Variants in PCDH7 observed in about 807,000 individuals in gnomAD.
PCDH7 encodes protocadherin 7.
A neutral mutation model predicts 58.9 loss-of-function variants in PCDH7; 17 were observed. The ratio of observed to expected loss-of-function variants is 0.29; its 90% CI spans 0.20 to 0.43. PCDH7 has a LOEUF of 0.43. Among genes scored for constraint, PCDH7 ranks in the 20% least tolerant of loss-of-function variants. The probability of loss-of-function intolerance (pLI) is 1.00; values close to 1 mark genes in which losing one functional copy is unlikely to be tolerated. For synonymous variants in PCDH7, 664 were observed against 616.4 expected (o/e 1.08, Z -1.14); for missense variants, 1,274 against 1,441.0 (o/e 0.88, Z 1.88).
In PCDH7 at chr4:31,049,430, C is replaced by G. The variant is rs188934851; in HGVS notation, c.*8-93043C>G. Reference sequence around the variant, plus strand: ...TTAGGAGAAACCAGGCATGGATATGCAAGAGTGACACAGACAATGTGGGGC... The same window carrying G: ...TTAGGAGAAACCAGGCATGGATATGGAAGAGTGACACAGACAATGTGGGGC... On this transcript the variant is annotated intron_variant, in intron 3 of 3. Transcript: ENST00000509759. Among the ~76,000 whole-genome samples, 351 of 152,166 alleles carry G rather than the reference C, an allele frequency of 2.3e-3. 6 individuals carry two copies. Among genetic ancestry groups the G allele is most frequent in the Admixed American group, 0.022 (334 of 15,268 alleles).
At chr4:30,855,912 AT>A (rs994739297) in intron 1 of PCDH7, among the ~76,000 whole-genome samples, 2 of 152,140 alleles carry the variant, frequency 1.3e-5, no homozygotes, top group African/African-American at 2.4e-5. Flanking sequence ...CATCAGTAAA[AT>A]GTCGGATCTG....
chr4:30,999,497 G>A (rs889185897), intron 3 of PCDH7, among the ~76,000 whole-genome samples: 6 of 151,972 alleles, frequency 3.9e-5, no homozygotes, highest in East Asian at 3.9e-4. Flanking sequence ...CCAAATTGTC[G>A]CCTGAAAATT....
intron 1 of PCDH7, among the ~76,000 whole-genome samples, chr4:30,819,019 C>T (rs1279177861): frequency 6.6e-6 from 1 of 152,284 alleles, no homozygotes; most frequent in African/African-American, 2.4e-5. Flanking sequence ...TTTCACAGTG[C>T]ATCATTCCTG....
intron 3 of PCDH7, among the ~76,000 whole-genome samples, chr4:31,042,193 A>T (rs901217648): frequency 6.6e-6 from 1 of 152,164 alleles, no homozygotes; most frequent in Non-Finnish European, 1.5e-5. Context: ...CATATGTTTG[A>T]TTGATTGTCA....
chr4:30,974,476 C>T lies in PCDH7; in HGVS notation c.*7+24261C>T, dbSNP rs540514068. ...AACTAAATTGGATAATAGAGACTTT[C>T]TTCCACCACACAAGCCTCTCATTTT... On this transcript the variant is annotated intron_variant, in intron 3 of 3. Coordinates refer to the PCDH7 transcript ENST00000509759. Among the ~76,000 whole-genome samples, 107 of 152,120 alleles carry T rather than the reference C, an allele frequency of 7.0e-4. 4 individuals carry two copies. The South Asian group carries it at 0.021, about 29-fold the overall frequency.
intron 3 of PCDH7, among the ~76,000 whole-genome samples, chr4:30,984,910 T>A (rs1170814157): frequency 6.6e-6 from 1 of 152,138 alleles, no homozygotes; most frequent in African/African-American, 2.4e-5. Context: ...GCTAGATTAG[T>A]AATACCATTA....
At chr4:30,775,724 C>T (rs573142478) in intron 1 of PCDH7, among the ~76,000 whole-genome samples, 1 of 152,076 alleles carries the variant, frequency 6.6e-6, no homozygotes, top group East Asian at 1.9e-4. Flanking sequence ...TGGTGAAACC[C>T]CATCTCTACT....
intron 3 of PCDH7, among the ~76,000 whole-genome samples, chr4:31,124,562 T>C (rs1454853200): frequency 6.6e-6 from 1 of 152,222 alleles, no homozygotes; most frequent in Non-Finnish European, 1.5e-5. Context: ...CTCTACTACC[T>C]TCTTACCTCA....
intron 1 of PCDH7, among the ~76,000 whole-genome samples, chr4:30,822,058 A>C (rs570034069): frequency 1.3e-5 from 2 of 152,208 alleles, no homozygotes; most frequent in Admixed American, 6.5e-5. Flanking sequence ...GGTATCTCAG[A>C]TATTGGGTGA....
At chr4:30,798,543 T>A (rs900312453) in intron 1 of PCDH7, among the ~76,000 whole-genome samples, 2 of 152,218 alleles carry the variant, frequency 1.3e-5, no homozygotes, top group African/African-American at 4.8e-5. Flanking sequence ...TATTAATGCA[T>A]GGTTTCAAAA....
chr4:31,115,477 C>T (rs67552245), intron 3 of PCDH7, among the ~76,000 whole-genome samples: 7,256 of 151,698 alleles, frequency 0.048, 331 homozygotes, highest in African/African-American at 0.12. Flanking sequence ...CTTTATTTTC[C>T]GCTCATTCTT....
Position 30,721,558 on chromosome 4 carries a change from G to A in PCDH7, c.136G>A (p.Val46Ile), listed in dbSNP as rs755128587. Residue 46 changes from valine to isoleucine, a missense_variant, in exon 1 of 2, where the codon GTC (valine) becomes ATC (isoleucine). Physicochemically the swap from Val to Ile is conservative, Grantham distance 29. Transcript: ENST00000361762. This position sits in a 1 kb window ranked among gnomAD's most constrained non-coding sequence, Gnocchi z 6.7. ...GCTGGCCGAGGAGGGCCCCGCCGAC[G>A]TCCGCATCGGCAACGTGGCTTCAGA... 6.2e-7 allele frequency: 1 copy of A among 1,604,934 alleles called. No homozygotes were observed. Among genetic ancestry groups the A allele is most frequent in the Non-Finnish European group, 8.5e-7 (1 of 1,179,842 alleles).
chr4:30,931,757 A>T (rs1380455400), intron 2 of PCDH7, among the ~76,000 whole-genome samples: 1 of 151,558 alleles, frequency 6.6e-6, no homozygotes, highest in Non-Finnish European at 1.5e-5. Flanking sequence ...AGGCCGGGGC[A>T]TAGTGGCATC....
chr4:30,922,264 A>C (rs1016599946), intron 2 of PCDH7, among the ~76,000 whole-genome samples: 9 of 150,818 alleles, frequency 6.0e-5, no homozygotes, highest in Non-Finnish European at 1.3e-4. Context: ...AATTTAATTT[A>C]GGGGTATTAC....
intron 1 of PCDH7, among the ~76,000 whole-genome samples, chr4:30,791,707 T>C (rs1369218697): frequency 6.6e-6 from 1 of 152,326 alleles, no homozygotes; most frequent in East Asian, 1.9e-4. Context: ...TCAAATCTTA[T>C]AGCTCTGTGA....
chr4:31,134,107 T>C (rs780021355), intron 3 of PCDH7, among the ~76,000 whole-genome samples: 6 of 152,160 alleles, frequency 3.9e-5, no homozygotes, highest in Non-Finnish European at 7.4e-5. Flanking sequence ...AATGTTCTGT[T>C]ATAAGCATTG....
At chr4:30,763,328 T>C (rs1164923542) in intron 1 of PCDH7, among the ~76,000 whole-genome samples, 2 of 152,236 alleles carry the variant, frequency 1.3e-5, no homozygotes, top group African/African-American at 4.8e-5. Context: ...ATGAGTAAGA[T>C]TTCTCAGAAA....
intron 2 of PCDH7, among the ~76,000 whole-genome samples, chr4:30,934,904 C>A (rs1745138826): frequency 1.3e-5 from 2 of 152,048 alleles, no homozygotes; most frequent in South Asian, 4.1e-4. Context: ...TGGGTCAATT[C>A]ATGTATTATC....
At chr4:30,812,744 A>G (rs1727184428) in intron 1 of PCDH7, among the ~76,000 whole-genome samples, 1 of 152,190 alleles carries the variant, frequency 6.6e-6, no homozygotes, top group South Asian at 2.1e-4. Context: ...TAATGATGGG[A>G]AAACATTATT....
Sources: allele counts gnomAD v4.1 joint callset (sites outside exome capture counted in the v4.1 genomes callset), GRCh38; gene constraint gnomAD v4.1.1; non-coding constraint Gnocchi (gnomAD v3.1); transcripts MANE v1.5; gene names NCBI Gene and HGNC (gene_info 2026-07-23, HGNC 2026-07-21).